The following NDUFA10 variants were observed in gnomAD, a reference collection of about 807,000 sequenced individuals.
NDUFA10 encodes NADH:ubiquinone oxidoreductase subunit A10.
A neutral mutation model predicts 47.8 loss-of-function variants in NDUFA10; 40 were observed. The observed-to-expected ratio is 0.84, with a 90% CI of 0.65 to 1.09. The LOEUF (loss-of-function observed/expected upper bound fraction) is 1.09, where lower values mean the gene tolerates loss of function less well. Among genes scored for constraint, NDUFA10 ranks in the 50% least tolerant of loss-of-function variants. The pLI is 0.00. For missense variants in NDUFA10, 413 were observed against 451.1 expected (o/e 0.92, Z 0.76); for synonymous variants, 183 against 172.2 (o/e 1.06, Z -0.49).
chr2:239,990,961 T>G (rs1164250875), intron 8 of NDUFA10, among the ~76,000 whole-genome samples: 1 of 151,316 alleles, frequency 6.6e-6, no homozygotes, highest in Non-Finnish European at 1.5e-5. Flanking sequence ...ACAAAGAAAA[T>G]AATTATTTTC....
intron 4 of NDUFA10, among the ~76,000 whole-genome samples, chr2:239,925,303 C>T (rs547175038): frequency 3.4e-4 from 52 of 152,190 alleles, no homozygotes; most frequent in East Asian, 7.7e-4. Context: ...TCCATCATTA[C>T]GGTAATCAAG....
Position 239,993,988 on chromosome 2 carries a change from CCA to C in NDUFA10, c.891-3808_891-3807del, listed in dbSNP as rs765736776. On this transcript the variant is annotated intron_variant, in intron 8 of 9. Transcript: ENST00000252711. ...CCTGCAGCCCGAGAGGTGAGATGCCCCACACAGTCACACAACCTTGGCAGGCT... is the reference window on the plus strand; with the variant it reads ...CCTGCAGCCCGAGAGGTGAGATGCCCCACAGTCACACAACCTTGGCAGGCT... Among the ~76,000 whole-genome samples, 50 of 152,138 alleles carry C rather than the reference CCA, an allele frequency of 3.3e-4. No homozygotes were observed. The East Asian group carries it at 8.3e-3, about 25-fold the overall frequency.
chr2:239,912,220 C>T (rs1299473225), intron 4 of NDUFA10, among the ~76,000 whole-genome samples: 2 of 152,140 alleles, frequency 1.3e-5, no homozygotes, highest in Non-Finnish European at 2.9e-5. Context: ...TGCTGGGCTC[C>T]CCTGGCTCCA....
downstream of NDUFA10, among the ~76,000 whole-genome samples, chr2:239,955,313 A>G (rs1384814042): frequency 6.6e-6 from 1 of 152,168 alleles, no homozygotes; most frequent in Non-Finnish European, 1.5e-5. Context: ...ACAGCTATGC[A>G]AGGTCGCATG....
chr2:239,968,071 TGAGA>T (rs568853391), intron 9 of NDUFA10, among the ~76,000 whole-genome samples: 2 of 152,036 alleles, frequency 1.3e-5, no homozygotes, highest in Admixed American at 6.5e-5. Flanking sequence ...CTAACTACTT[TGAGA>T]GAGATGAACG....
In NDUFA10 at chr2:239,928,373, A is replaced by G. The variant is rs1694100491; in HGVS notation, c.295-33059T>C. 6.6e-6 allele frequency among the ~76,000 whole-genome samples: 1 copy of G among 152,224 alleles called. No homozygotes were observed. The highest frequency in any genetic ancestry group is 1.5e-5 in the Non-Finnish European group (1 of 68,034). On this transcript the variant is annotated intron_variant, in intron 4 of 5. Coordinates refer to the NDUFA10 transcript ENST00000419408. This position sits in a 1 kb window ranked among gnomAD's most constrained non-coding sequence, Gnocchi z 4.3. Reference sequence around the variant, plus strand: ...AGGCAAAAGACAAGATGAAATACAGAGCTGGAAAGAGAACACAAAGAGGAA... The same window carrying G: ...AGGCAAAAGACAAGATGAAATACAGGGCTGGAAAGAGAACACAAAGAGGAA...
chr2:239,905,591 A>T (rs67435537), intron 4 of NDUFA10, among the ~76,000 whole-genome samples: 28,115 of 152,006 alleles, frequency 0.18, 2,775 homozygotes, highest in African/African-American at 0.26. Flanking sequence ...CGGGGGGTTT[A>T]CGCAGCAAAG....
chr2:239,895,634 A>G (rs1009303972), intron 4 of NDUFA10, among the ~76,000 whole-genome samples: 2 of 152,220 alleles, frequency 1.3e-5, no homozygotes, highest in African/African-American at 4.8e-5. Flanking sequence ...GTTTTAGCTG[A>G]ATGTTACTGT....
intron 4 of NDUFA10, among the ~76,000 whole-genome samples, chr2:239,923,305 G>A (rs1694019245): frequency 6.6e-6 from 1 of 152,110 alleles, no homozygotes; most frequent in Non-Finnish European, 1.5e-5. Context: ...TCAAACAAAA[G>A]TATCTAATAT....
chr2:239,959,526 G>A lies in NDUFA10; in HGVS notation c.*1592C>T. ...GTGCTTTCATTTCATGATTAAAGCT[G>A]TTGGTTTCCTAGTGAAATGCAAAAC... is the stretch of plus-strand genomic sequence containing the variant. On this transcript the variant is annotated 3_prime_UTR_variant, in exon 10 of 10. Transcript: ENST00000252711. 1.0e-6 allele frequency: 1 copy of A among 985,480 alleles called. No individual in the cohort carries two copies. Among genetic ancestry groups the A allele is most frequent in the Non-Finnish European group, 1.2e-6 (1 of 829,944 alleles). The allele number at this position is 985,480 out of a possible 1,614,324, so 61.0% of individuals were successfully genotyped here. A position where few individuals can be genotyped will look rare whatever the true frequency, so the allele number is the denominator to read the frequency against.
downstream of NDUFA10, among the ~76,000 whole-genome samples, chr2:239,953,601 G>A (rs1694599640): frequency 6.7e-6 from 1 of 148,782 alleles, no homozygotes; most frequent in East Asian, 2.0e-4. Context: ...CTACAGCTCT[G>A]GACACTCACA....
chr2:239,962,210 TACACACACACACAC>T (rs59356951), intron 9 of NDUFA10, among the ~76,000 whole-genome samples: 1 of 149,544 alleles, frequency 6.7e-6, no homozygotes, highest in Non-Finnish European at 1.5e-5. Context: ...TCAATTTGTG[TACACACACACACAC>T]ACACACACAC....
At chr2:239,908,160 C>T (rs1693688918) in intron 4 of NDUFA10, among the ~76,000 whole-genome samples, 1 of 151,966 alleles carries the variant, frequency 6.6e-6, no homozygotes, top group South Asian at 2.1e-4. Context: ...GAAAACCAAA[C>T]ACTGCATGTT....
At chr2:239,964,048 A>G (rs1293733049) in intron 9 of NDUFA10, among the ~76,000 whole-genome samples, 1 of 152,190 alleles carries the variant, frequency 6.6e-6, no homozygotes, top group Non-Finnish European at 1.5e-5. Flanking sequence ...CACGCCAGGT[A>G]ATGGCACGTA....
intron 9 of NDUFA10, among the ~76,000 whole-genome samples, chr2:239,976,207 A>G (rs900703663): frequency 1.5e-4 from 23 of 152,180 alleles, no homozygotes; most frequent in African/African-American, 5.1e-4. Flanking sequence ...TGACTCTGCT[A>G]TATTTGAACT....
intron 8 of NDUFA10, among the ~76,000 whole-genome samples, chr2:240,004,519 C>T (rs1004639889): frequency 6.9e-6 from 1 of 143,910 alleles, no homozygotes; most frequent in Admixed American, 6.9e-5. Flanking sequence ...CCTCCTAGTC[C>T]TACCCCCTTC....
At chr2:239,949,910 C>G (rs1694523306) in intron 4 of NDUFA10, among the ~76,000 whole-genome samples, 1 of 152,174 alleles carries the variant, frequency 6.6e-6, no homozygotes, top group Admixed American at 6.5e-5. Flanking sequence ...GTAACTGTCT[C>G]CATATCTGTT....
At chr2:239,895,185 C>T (rs1574758664) in intron 5 of NDUFA10, 1 of 437,888 alleles carries the variant, frequency 2.3e-6, no homozygotes, top group Non-Finnish European at 4.8e-6. Flanking sequence ...CCTGCCAGGC[C>T]TCTGCCCCAA....
At chr2:240,014,655 T>A (rs770441649) in intron 5 of NDUFA10, 84 bp downstream of exon 5, 2 of 1,586,432 alleles carry the variant, frequency 1.3e-6, no homozygotes, top group Non-Finnish European at 1.7e-6. Context: ...TAGGAATTAG[T>A]ATAAATGCTA....
Sources: allele counts gnomAD v4.1 joint callset (sites outside exome capture counted in the v4.1 genomes callset), GRCh38; gene constraint gnomAD v4.1.1; non-coding constraint Gnocchi (gnomAD v3.1); transcripts MANE v1.5; gene names NCBI Gene and HGNC (gene_info 2026-07-23, HGNC 2026-07-21).